The following KATNAL1 variants were observed in gnomAD, a reference collection of about 807,000 sequenced individuals.
KATNAL1 encodes the protein katanin catalytic subunit A1 like 1.
In KATNAL1, 32 loss-of-function variants were observed where a neutral mutation model predicts 55.2. The observed-to-expected ratio is 0.58, with a 90% CI of 0.44 to 0.78. The LOEUF (loss-of-function observed/expected upper bound fraction) is 0.78. KATNAL1 is among the 30% of genes least tolerant of loss of function. The probability of loss-of-function intolerance (pLI) is 0.00; values close to 1 mark genes in which losing one functional copy is unlikely to be tolerated. For synonymous variants in KATNAL1, 193 were observed against 193.6 expected, an observed-to-expected ratio of 1.00 and a Z score of 0.02; for missense variants, 466 against 600.9, an observed-to-expected ratio of 0.78 and a Z score of 2.35.
chr13:30,208,154 AC>A lies in KATNAL1; in HGVS notation c.*385del, dbSNP rs1873323018. Reference sequence around the variant, plus strand: ...CAATTTTGATGTTAAAAGTCAACATACATAGATAGGTCCCTCATGTTGACAG... The same window carrying A: ...CAATTTTGATGTTAAAAGTCAACATAATAGATAGGTCCCTCATGTTGACAG... On this transcript the variant is annotated 3_prime_UTR_variant, in exon 11 of 11. Coordinates refer to ENST00000380615, the MANE Select transcript of KATNAL1 (RefSeq NM_032116.5). 1 of 158,138 alleles carries A rather than the reference AC, an allele frequency of 6.3e-6. No homozygotes were observed. Among genetic ancestry groups the A allele is most frequent in the African/African-American group, 2.4e-5 (1 of 41,646 alleles). 9.8% of individuals were successfully genotyped at this position (158,138 alleles called of 1,614,324 possible).
At chr13:30,304,458 C>T (rs146671012) in intron 1 of KATNAL1, among the ~76,000 whole-genome samples, 80 of 151,844 alleles carry the variant, frequency 5.3e-4, no homozygotes, top group African/African-American at 1.8e-3. Flanking sequence ...TTAGGAGAAA[C>T]GAGGTTTCAC....
rs1873088965 is a variant in KATNAL1, at chr13:30,205,855, ATG to A, written c.*2683_*2684del. 2 of 122,868 alleles carry A rather than the reference ATG, an allele frequency of 1.6e-5. 1 individual carries two copies. Among genetic ancestry groups the A allele is most frequent in the Admixed American group, 1.8e-4 (2 of 11,348 alleles). 7.6% of individuals were successfully genotyped at this position (122,868 alleles called of 1,614,324 possible). A position where few individuals can be genotyped will look rare whatever the true frequency, so the allele number is the denominator to read the frequency against. On this transcript the variant is annotated 3_prime_UTR_variant, in exon 11 of 11. Transcript: ENST00000380615. ...ACTCTGTGTGTGTGTATGTGTGTGT[ATG>A]TGTGTCTGTCTCACGCCTGTAATCC...
At chr13:30,220,198 T>C (rs550958733) in intron 9 of KATNAL1, among the ~76,000 whole-genome samples, 3 of 152,184 alleles carry the variant, frequency 2.0e-5, no homozygotes, top group Non-Finnish European at 4.4e-5. Flanking sequence ...CAGTGGCTTA[T>C]GCTTGTAATC....
chr13:30,244,632 T>C (rs1418454159), intron 4 of KATNAL1, among the ~76,000 whole-genome samples: 3 of 152,090 alleles, frequency 2.0e-5, no homozygotes, highest in Admixed American at 2.0e-4. Context: ...TTGAAAAGAT[T>C]AGCAAAACAG....
chr13:30,256,546 C>G (rs1023834336), intron 3 of KATNAL1, among the ~76,000 whole-genome samples: 1 of 152,032 alleles, frequency 6.6e-6, no homozygotes, highest in African/African-American at 2.4e-5. Flanking sequence ...TATTATTATC[C>G]CCTTTCCAGC....
At chr13:30,245,323 TGCAGAAAAG>T (rs1472821694) in intron 4 of KATNAL1, among the ~76,000 whole-genome samples, 1 of 152,262 alleles carries the variant, frequency 6.6e-6, no homozygotes, top group African/African-American at 2.4e-5. Context: ...TCTCAATACA[TGCAGAAAAG>T]GCCTTCGATA....
At chr13:30,282,251 ACT>A (rs1881412679) in intron 2 of KATNAL1, among the ~76,000 whole-genome samples, 1 of 152,178 alleles carries the variant, frequency 6.6e-6, no homozygotes, top group Non-Finnish European at 1.5e-5. Context: ...TAGATTACTG[ACT>A]CATTTGTATT....
intron 1 of KATNAL1, among the ~76,000 whole-genome samples, chr13:30,302,117 T>G (rs1220341521): frequency 6.6e-6 from 1 of 152,210 alleles, no homozygotes; most frequent in Non-Finnish European, 1.5e-5. Context: ...TCAAGCTTTC[T>G]GCCCCTCTCA....
At chr13:30,227,739 C>T (rs1593850746) in intron 8 of KATNAL1, among the ~76,000 whole-genome samples, 193 bp from the exon 9 acceptor site, 1 of 151,026 alleles carries the variant, frequency 6.6e-6, no homozygotes, top group South Asian at 2.1e-4. Flanking sequence ...TTCACATAAC[C>T]TAGTGTGGGA....
chr13:30,287,963 G>A (rs139599450), intron 1 of KATNAL1, among the ~76,000 whole-genome samples: 9 of 152,088 alleles, frequency 5.9e-5, no homozygotes, highest in Middle Eastern at 3.4e-3. Context: ...AATTCTTATC[G>A]ATGCAATTCA....
chr13:30,251,357 G>A (rs1290066728), intron 4 of KATNAL1, among the ~76,000 whole-genome samples: 2 of 152,162 alleles, frequency 1.3e-5, no homozygotes, highest in Admixed American at 6.5e-5. Context: ...CTAAATGTTT[G>A]TGTCCTTCCA....
rs1883215846 is a variant in KATNAL1 at position 30,306,881 on chromosome 13, G to GGGGCTGAGCGCTGCAACTGGGGC, written c.-15+427_-15+449dup. On this transcript the variant is annotated intron_variant, in intron 1 of 10. Coordinates refer to ENST00000380615, the MANE Select transcript of KATNAL1 (RefSeq NM_032116.5). Reference sequence around the variant, plus strand: ...TGCAGGGCGGTGGCCCAGCCGGGGTGGGGCTGAGCGCTGCAACTGGGGCGG... The same window carrying GGGGCTGAGCGCTGCAACTGGGGC: ...TGCAGGGCGGTGGCCCAGCCGGGGTGGGGCTGAGCGCTGCAACTGGGGCGGGCTGAGCGCTGCAACTGGGGCGG... 2.0e-5 allele frequency: 3 copies of GGGGCTGAGCGCTGCAACTGGGGC among 152,332 alleles called. No homozygotes were observed. The South Asian group carries it at 6.2e-4, about 32-fold the overall frequency. 9.4% of individuals were successfully genotyped at this position (152,332 alleles called of 1,614,324 possible). A position where few individuals can be genotyped will look rare whatever the true frequency, so the allele number is the denominator to read the frequency against.
chr13:30,252,645 GGCA>G (rs2137455230), intron 4 of KATNAL1, among the ~76,000 whole-genome samples: 1 of 152,170 alleles, frequency 6.6e-6, no homozygotes, highest in South Asian at 2.1e-4. Flanking sequence ...TTTTAAAGCT[GGCA>G]GCAATACACA....
chr13:30,279,727 TAG>T (rs1166764211), intron 3 of KATNAL1, among the ~76,000 whole-genome samples: 1 of 152,174 alleles, frequency 6.6e-6, no homozygotes, highest in East Asian at 1.9e-4. Flanking sequence ...TTGAAGTTGT[TAG>T]AGTCTCCTCA....
intron 3 of KATNAL1, among the ~76,000 whole-genome samples, chr13:30,258,845 G>A (rs1026331397): frequency 2.0e-5 from 3 of 152,196 alleles, no homozygotes; most frequent in African/African-American, 7.2e-5. Flanking sequence ...TTTCAGTGGT[G>A]TCTTCACAAA....
intron 4 of KATNAL1, among the ~76,000 whole-genome samples, chr13:30,244,468 AT>A (rs1442750067): frequency 6.6e-5 from 10 of 152,176 alleles, no homozygotes; most frequent in African/African-American, 2.4e-4. Context: ...ATCAAAGGGT[AT>A]TTCTGGTTCT....
chr13:30,261,285 C>A (rs1302512568), intron 3 of KATNAL1, among the ~76,000 whole-genome samples: 1 of 151,940 alleles, frequency 6.6e-6, no homozygotes, highest in Non-Finnish European at 1.5e-5. Context: ...TAAAGACCAT[C>A]GAGACTAGGA....
intron 4 of KATNAL1, among the ~76,000 whole-genome samples, chr13:30,250,233 G>A (rs912090456): frequency 6.6e-6 from 1 of 152,100 alleles, no homozygotes; most frequent in African/African-American, 2.4e-5. Flanking sequence ...AAAGTAATGG[G>A]GAAAATGTTA....
At chr13:30,261,032 T>C (rs1443516448) in intron 3 of KATNAL1, among the ~76,000 whole-genome samples, 3 of 151,808 alleles carry the variant, frequency 2.0e-5, no homozygotes, top group South Asian at 2.1e-4. Context: ...CGGCAGAAAC[T>C]CTACAAGCCA....
Sources: gnomAD v4.1 joint callset for allele counts (sites outside exome capture counted in the v4.1 genomes callset) on GRCh38, gnomAD v4.1.1 for gene constraint, MANE v1.5 for transcripts, NCBI Gene and HGNC (gene_info 2026-07-23, HGNC 2026-07-21) for gene names.